OSBPL10: variants seen among roughly 807,000 people sequenced by gnomAD.
The protein encoded by OSBPL10 is oxysterol binding protein like 10.
In OSBPL10, 49 loss-of-function variants were observed where a neutral mutation model predicts 81.7. The observed-to-expected ratio is 0.60, with a 90% CI of 0.48 to 0.76. The LOEUF is 0.76. Ranked by LOEUF, OSBPL10 falls within the 30% of genes least tolerant of loss-of-function variation. OSBPL10 has a pLI of 0.00. For synonymous variants in OSBPL10, 419 were observed against 383.6 expected, an observed-to-expected ratio of 1.09 and a Z score of -1.08; for missense variants, 923 against 987.8, an observed-to-expected ratio of 0.93 and a Z score of 0.88.
intron 3 of OSBPL10, 68 bp from the exon 4 acceptor site, chr3:31,830,299 A>C (rs1700209536): frequency 1.1e-5 from 16 of 1,471,980 alleles, no homozygotes; most frequent in Non-Finnish European, 1.4e-5. Flanking sequence ...GTTGGCTTCT[A>C]TTCATTTTGG....
chr3:32,067,743 A>G (rs754183777), intron 1 of OSBPL10, among the ~76,000 whole-genome samples: 1 of 152,102 alleles, frequency 6.6e-6, no homozygotes, highest in Non-Finnish European at 1.5e-5. Flanking sequence ...AGATCCACCC[A>G]CTACCCACAA....
chr3:31,694,370 CAAAAAAAAA>C (rs747631578), intron 7 of OSBPL10, among the ~76,000 whole-genome samples: 2 of 62,828 alleles, frequency 3.2e-5, no homozygotes, highest in Admixed American at 2.7e-4. Context: ...GACTCTGTCT[CAAAAAAAAA>C]AAAAAAAAAA....
chr3:31,670,257 G>A (rs988464654), intron 9 of OSBPL10, among the ~76,000 whole-genome samples: 1 of 152,232 alleles, frequency 6.6e-6, no homozygotes, highest in African/African-American at 2.4e-5. Flanking sequence ...TTACACAGTA[G>A]AGCTGTGCTA....
chr3:31,900,321 C>T (rs910931776), intron 1 of OSBPL10, among the ~76,000 whole-genome samples: 1 of 152,060 alleles, frequency 6.6e-6, no homozygotes, highest in African/African-American at 2.4e-5. Context: ...GCCACCGCAC[C>T]CAGCCGAGAA....
At chr3:31,853,814 CAT>C (rs1175431651) in intron 3 of OSBPL10, among the ~76,000 whole-genome samples, 3 of 152,214 alleles carry the variant, frequency 2.0e-5, no homozygotes, top group Admixed American at 6.5e-5. Context: ...GGATCACACA[CAT>C]GAGGCAGCAG....
chr3:32,043,147 C>A (rs554353827), intron 2 of OSBPL10, among the ~76,000 whole-genome samples: 1 of 152,106 alleles, frequency 6.6e-6, no homozygotes, highest in Non-Finnish European at 1.5e-5. Context: ...CCCAGAGCAG[C>A]TGTTTATAGA....
intron 4 of OSBPL10, among the ~76,000 whole-genome samples, chr3:31,791,478 T>A (rs955718168): frequency 6.6e-6 from 1 of 152,220 alleles, no homozygotes; most frequent in Non-Finnish European, 1.5e-5. Flanking sequence ...TAGCCTTGCA[T>A]CATTTTTATA....
Position 31,664,115 on chromosome 3 carries a change from G to A in OSBPL10, c.2214C>T (p.Leu738=). 1 of 1,614,012 alleles carries A rather than the reference G, an allele frequency of 6.2e-7. No individual in the cohort carries two copies. Among genetic ancestry groups the A allele is most frequent in the Non-Finnish European group, 8.5e-7 (1 of 1,180,010 alleles). The change falls in exon 11 of 12, where the codon CTC becomes CTT. Residue 738 remains leucine, a synonymous_variant. Transcript: ENST00000396556. ...AATATTTGGGCTTCCATGGTGTGCG[G>A]AGGTTCTCGCGCTTCCGTTCCTCCA... ...QRVEERKREN[L]RTPWKPKYFI...
intron 2 of OSBPL10, chr3:31,989,988 T>A (rs1415817623): frequency 6.2e-7 from 1 of 1,614,128 alleles, no homozygotes; most frequent in Non-Finnish European, 8.5e-7. Flanking sequence ...ACCTTGCAAG[T>A]CATCATAGAC....
chr3:31,843,793 T>C (rs1700562311), intron 3 of OSBPL10, among the ~76,000 whole-genome samples: 1 of 152,120 alleles, frequency 6.6e-6, no homozygotes, highest in Non-Finnish European at 1.5e-5. Context: ...ATAGAGCATA[T>C]CTAATAATAA....
chr3:31,931,154 GAGAC>G (rs1697238165), intron 1 of OSBPL10, among the ~76,000 whole-genome samples: 1 of 151,902 alleles, frequency 6.6e-6, no homozygotes, highest in Admixed American at 6.6e-5. Context: ...GGGAGACCGA[GAGAC>G]AGAAGGAAGG....
At chr3:31,671,124 T>A (rs1700313758) in intron 8 of OSBPL10, 141 bp from the exon 9 acceptor site, 3 of 790,672 alleles carry the variant, frequency 3.8e-6, no homozygotes, top group Non-Finnish European at 5.8e-6. Context: ...AGCTGCTCGT[T>A]CACTGTGGGC....
Position 31,683,864 on chromosome 3 carries a change from T to C in OSBPL10, c.1496A>G (p.Lys499Arg), listed in dbSNP as rs781293302. The change falls in exon 8 of 12, where the codon AAG becomes AGG. Residue 499 changes from lysine to arginine, a missense_variant. Transcript: ENST00000396556. ...CSWEVPKDRV[K>R]PKRTASRSPA... is the part of the protein sequence containing the mutation. ...AGAGCGGGAAGCAGTCCTCTTAGGCTTGACCCTGTCCTTGGGAACTTCCCA... is the reference window on the plus strand; with the variant it reads ...AGAGCGGGAAGCAGTCCTCTTAGGCCTGACCCTGTCCTTGGGAACTTCCCA... 1.2e-6 allele frequency: 2 copies of C among 1,614,248 alleles called. No homozygotes were observed. Among genetic ancestry groups the C allele is most frequent in the Non-Finnish European group, 1.7e-6 (2 of 1,180,056 alleles).
At chr3:31,702,308 G>T in intron 7 of OSBPL10, 51 bp downstream of exon 7, 2 of 1,592,370 alleles carry the variant, frequency 1.3e-6, no homozygotes, top group South Asian at 2.2e-5. Flanking sequence ...CTTGAGGATA[G>T]AGACAGAACC....
chr3:31,737,082 T>C (rs1194260986), intron 5 of OSBPL10, among the ~76,000 whole-genome samples: 3 of 152,106 alleles, frequency 2.0e-5, no homozygotes, highest in Non-Finnish European at 4.4e-5. Flanking sequence ...GTAGGCTGTA[T>C]CTTGGGATAG....
chr3:31,693,538 G>A (rs1325390401), intron 7 of OSBPL10, among the ~76,000 whole-genome samples: 1 of 152,232 alleles, frequency 6.6e-6, no homozygotes, highest in Non-Finnish European at 1.5e-5. Flanking sequence ...CCTGTGGTGA[G>A]AACATGATGT....
chr3:31,740,761 T>C (rs933331088), intron 5 of OSBPL10, among the ~76,000 whole-genome samples: 3 of 147,718 alleles, frequency 2.0e-5, no homozygotes, highest in Admixed American at 1.3e-4. Flanking sequence ...CTGGGCAACA[T>C]AGTGAGACTC....
intron 1 of OSBPL10, among the ~76,000 whole-genome samples, chr3:31,958,839 G>A (rs1698081197): frequency 6.6e-6 from 1 of 152,094 alleles, no homozygotes; most frequent in Non-Finnish European, 1.5e-5. Context: ...TTTACATATT[G>A]CCTAGGGCTG....
At chr3:31,972,318 G>T (rs965302659) in intron 1 of OSBPL10, among the ~76,000 whole-genome samples, 20 of 152,218 alleles carry the variant, frequency 1.3e-4, no homozygotes, top group Non-Finnish European at 2.1e-4. Flanking sequence ...GAACCCAGGA[G>T]GTGGAAGTTG....
Sources: gnomAD v4.1 joint callset for allele counts (sites outside exome capture counted in the v4.1 genomes callset) on GRCh38, gnomAD v4.1.1 for gene constraint, MANE v1.5 for transcripts, NCBI Gene and HGNC (gene_info 2026-07-23, HGNC 2026-07-21) for gene names.